SLC4A4: variants seen among roughly 807,000 people sequenced by gnomAD.
SLC4A4 encodes electrogenic sodium bicarbonate cotransporter 1.
In SLC4A4, 27 loss-of-function variants were observed where a neutral mutation model predicts 111.5. That is an observed-to-expected ratio of 0.24 (90% CI 0.18 to 0.33). The LOEUF (loss-of-function observed/expected upper bound fraction) is 0.33. SLC4A4 is among the 10% of genes least tolerant of loss of function. SLC4A4 has a pLI of 1.00. For missense variants in SLC4A4, 909 were observed against 1,315.5 expected (o/e 0.69, Z 4.78); for synonymous variants, 443 against 463.4 (o/e 0.96, Z 0.57).
At chr4:71,081,474 A>G (rs2148934753) in intron 1 of SLC4A4, among the ~76,000 whole-genome samples, 1 of 152,240 alleles carries the variant, frequency 6.6e-6, no homozygotes, top group South Asian at 2.1e-4. Context: ...CCACACCCCC[A>G]CCATGGCTGC....
intron 2 of SLC4A4, among the ~76,000 whole-genome samples, chr4:71,178,369 A>G (rs1745163054): frequency 6.6e-6 from 1 of 151,816 alleles, no homozygotes; most frequent in Non-Finnish European, 1.5e-5. Flanking sequence ...GCAGAAATGA[A>G]GGAAACAGAG....
chr4:71,132,399 AG>A (rs1438192133), intron 2 of SLC4A4, among the ~76,000 whole-genome samples: 1 of 152,218 alleles, frequency 6.6e-6, no homozygotes, highest in African/African-American at 2.4e-5. Context: ...ATTTGCCCAA[AG>A]CCTGTCTATT....
intron 15 of SLC4A4, 142 bp from the exon 16 acceptor site, chr4:71,497,359 C>A (rs1730505935): frequency 1.5e-6 from 1 of 679,996 alleles, no homozygotes; most frequent in Admixed American, 2.4e-5. Flanking sequence ...ATGAACACCT[C>A]ATCAAGTTTC....
intron 16 of SLC4A4, among the ~76,000 whole-genome samples, chr4:71,514,802 C>T (rs1261039137): frequency 1.3e-5 from 2 of 152,032 alleles, no homozygotes; most frequent in Admixed American, 6.5e-5. Context: ...TAGTCTCTCA[C>T]GATCTTTGTA....
chr4:71,409,297 A>G (rs959869408), intron 7 of SLC4A4, among the ~76,000 whole-genome samples: 52 of 152,232 alleles, frequency 3.4e-4, no homozygotes, highest in African/African-American at 1.3e-3. Flanking sequence ...AAAATGTGGG[A>G]AAGTGTGGAA....
rs1388579276 is a variant in SLC4A4 at position 71,068,069 on chromosome 4, T to TA, written c.-65+5281_-65+5282insA. 3.3e-4 allele frequency among the ~76,000 whole-genome samples: 49 copies of TA among 148,188 alleles called. 1 individual carries two copies. The highest frequency in any genetic ancestry group is 8.8e-4 in the South Asian group (4 of 4,524). ...TGGCCTTTTTGAACAAACGTTTTTT[T>TA]TTTTTTTTTTTTGAGATGGAGTTTT... On this transcript the variant is annotated intron_variant, in intron 1 of 26. Transcript: ENST00000649996.
intron 22 of SLC4A4, among the ~76,000 whole-genome samples, chr4:71,559,570 TA>T (rs1736772068): frequency 6.6e-6 from 1 of 151,892 alleles, no homozygotes; most frequent in South Asian, 2.1e-4. Context: ...AATATTCAGT[TA>T]ACGGTGGTGA....
rs542863914 is a variant in SLC4A4 at position 71,240,183 on chromosome 4, A to G, written c.73+3534A>G. ...CCAAAAACAGAAGAAAATCCTATGG[A>G]TGTTTTATTCCTAAAAAAGCCAGCC... On this transcript the variant is annotated intron_variant, in intron 2 of 25. Transcript: ENST00000264485. Among the ~76,000 whole-genome samples, 22 of 152,308 alleles carry G rather than the reference A, an allele frequency of 1.4e-4. No homozygotes were observed. In the South Asian group the frequency reaches 4.6e-3, roughly 32 times the overall value.
At chr4:71,298,551 G>A (rs570475006) in intron 3 of SLC4A4, among the ~76,000 whole-genome samples, 15 of 152,318 alleles carry the variant, frequency 9.8e-5, no homozygotes, top group South Asian at 2.1e-4. Flanking sequence ...ATGGTCAAAT[G>A]TGTATTCCAC....
intron 1 of SLC4A4, among the ~76,000 whole-genome samples, chr4:71,208,668 T>C (rs1390992320): frequency 1.3e-5 from 2 of 152,050 alleles, no homozygotes; most frequent in African/African-American, 2.4e-5. Flanking sequence ...ATTATGGTTT[T>C]CTTTCCCATT....
intron 7 of SLC4A4, among the ~76,000 whole-genome samples, chr4:71,407,090 G>A (rs1431722821): frequency 1.3e-5 from 2 of 152,132 alleles, no homozygotes; most frequent in East Asian, 1.9e-4. Context: ...GATATAATGA[G>A]TTCTGCCTAG....
intron 3 of SLC4A4, among the ~76,000 whole-genome samples, chr4:71,286,372 A>C (rs1194396246): frequency 6.6e-6 from 1 of 152,228 alleles, no homozygotes; most frequent in East Asian, 1.9e-4. Flanking sequence ...CCAAACGCTT[A>C]AAAGCACTGG....
At chr4:71,379,796 C>T (rs1717931113) in intron 6 of SLC4A4, among the ~76,000 whole-genome samples, 1 of 151,966 alleles carries the variant, frequency 6.6e-6, no homozygotes, top group Non-Finnish European at 1.5e-5. Context: ...TTCTCAAATT[C>T]ATCTAGATTT....
At position 71,240,610 on chromosome 4, in the gene SLC4A4, A is replaced by G. The variant is rs10013437; in HGVS notation, c.73+3961A>G. Among the ~76,000 whole-genome samples, 972 of 152,232 alleles carry G rather than the reference A, an allele frequency of 6.4e-3. 18 individuals carry two copies. Among genetic ancestry groups the G allele is most frequent in the African/African-American group, 0.022 (905 of 41,534 alleles). ...CACATGTCTACTGATGGACATTAGG[A>G]GGGAGTGTTGTTGAAAATGCATGGA... is the stretch of plus-strand genomic sequence containing the variant. On this transcript the variant is annotated intron_variant, in intron 2 of 25. Transcript: ENST00000264485.
At chr4:71,186,559 C>T (rs1185383406), upstream of SLC4A4, among the ~76,000 whole-genome samples, 3 of 151,914 alleles carry the variant, frequency 2.0e-5, no homozygotes, top group Non-Finnish European at 4.4e-5. Flanking sequence ...TCCGCCAGCT[C>T]CGGGCGGGCG....
At chr4:71,432,155 A>T (rs1560503302) in intron 7 of SLC4A4, among the ~76,000 whole-genome samples, 1 of 152,162 alleles carries the variant, frequency 6.6e-6, no homozygotes, top group Non-Finnish European at 1.5e-5. Context: ...CGTGAGGAAA[A>T]GGCAATTTTT....
intron 18 of SLC4A4, among the ~76,000 whole-genome samples, chr4:71,543,502 G>A (rs1735245246): frequency 6.6e-6 from 1 of 152,046 alleles, no homozygotes; most frequent in Admixed American, 6.6e-5. Flanking sequence ...GTTATATATA[G>A]TTACCTTTAT....
chr4:71,416,169 T>G (rs1392874872), intron 7 of SLC4A4, among the ~76,000 whole-genome samples: 1 of 152,236 alleles, frequency 6.6e-6, no homozygotes, highest in Non-Finnish European at 1.5e-5. Flanking sequence ...AGCCAGCCTT[T>G]GGTTTGAATC....
At chr4:71,378,578 A>G (rs1717764650) in intron 6 of SLC4A4, among the ~76,000 whole-genome samples, 1 of 152,242 alleles carries the variant, frequency 6.6e-6, no homozygotes, top group Admixed American at 6.5e-5. Context: ...GGATTTAATG[A>G]TTGGAGACAG....
Sources: allele counts gnomAD v4.1 joint callset (sites outside exome capture counted in the v4.1 genomes callset), GRCh38; gene constraint gnomAD v4.1.1; transcripts MANE v1.5; gene names NCBI Gene and HGNC (gene_info 2026-07-23, HGNC 2026-07-21).